TRDN: variants seen among roughly 807,000 people sequenced by gnomAD.
TRDN encodes triadin.
A neutral mutation model predicts 149.7 loss-of-function variants in TRDN; 161 were observed. The ratio of observed to expected loss-of-function variants is 1.08; its 90% CI spans 0.95 to 1.23. The LOEUF (loss-of-function observed/expected upper bound fraction) is 1.23. Among genes scored for constraint, TRDN ranks in the 50% most tolerant of loss-of-function variants. The probability of loss-of-function intolerance (pLI) is 0.00; values close to 1 mark genes in which losing one functional copy is unlikely to be tolerated. For missense variants in TRDN, 896 were observed against 823.5 expected (o/e 1.09, Z -1.08); for synonymous variants, 294 against 250.5 (o/e 1.17, Z -1.64).
intron 12 of TRDN, among the ~76,000 whole-genome samples, chr6:123,409,598 C>A (rs763774413): frequency 6.6e-6 from 1 of 152,062 alleles, no homozygotes; most frequent in Non-Finnish European, 1.5e-5. Flanking sequence ...TTATGTATTG[C>A]AGTTATTAAT....
rs1582788254 is a variant in TRDN at position 123,259,169 on chromosome 6, G to C, written c.1870+455C>G. ...TCTGCTCTGATCTTAGTTATTTCTT[G>C]TCTTCTGCTAGCTTTCGAATTTGTT... On this transcript the variant is annotated intron_variant, in intron 35 of 40. Coordinates refer to ENST00000334268, the MANE Select transcript of TRDN (RefSeq NM_006073.4). 2.0e-5 allele frequency among the ~76,000 whole-genome samples: 3 copies of C among 151,902 alleles called. 1 individual carries two copies. The highest frequency in any genetic ancestry group is 2.0e-4 in the Admixed American group (3 of 15,234).
intron 1 of TRDN, among the ~76,000 whole-genome samples, chr6:123,586,654 T>C (rs1046257246): frequency 2.6e-5 from 4 of 151,986 alleles, no homozygotes; most frequent in East Asian, 1.9e-4. Flanking sequence ...CAGAAGAAAA[T>C]AAGACACTTA....
intron 1 of TRDN, among the ~76,000 whole-genome samples, chr6:123,623,583 A>G (rs146671483): frequency 6.6e-6 from 1 of 152,220 alleles, no homozygotes; most frequent in African/African-American, 2.4e-5. Context: ...AGCTTGGTTC[A>G]CTGAACCCAA....
chr6:123,277,364 C>T (rs1777404930), intron 26 of TRDN, among the ~76,000 whole-genome samples: 1 of 151,990 alleles, frequency 6.6e-6, no homozygotes, highest in African/African-American at 2.4e-5. Flanking sequence ...AAATTTTGGG[C>T]CAGCCAGAGA....
At chr6:123,266,968 A>G (rs549624970) in intron 32 of TRDN, among the ~76,000 whole-genome samples, 81 of 148,614 alleles carry the variant, frequency 5.5e-4, no homozygotes, top group Non-Finnish European at 9.5e-4. Context: ...TTAGCTGGGC[A>G]TGGTGGCAGG....
chr6:123,563,246 A>G (rs1233923617), intron 2 of TRDN, among the ~76,000 whole-genome samples: 3 of 152,220 alleles, frequency 2.0e-5, no homozygotes, highest in Non-Finnish European at 2.9e-5. Flanking sequence ...CTAATCAACC[A>G]ATTCTTTACC....
At chr6:123,321,207 C>T (rs1278016122) in intron 23 of TRDN, among the ~76,000 whole-genome samples, 1 of 152,024 alleles carries the variant, frequency 6.6e-6, no homozygotes, top group Non-Finnish European at 1.5e-5. Context: ...TCCATTTTCA[C>T]GTTAATGCAA....
intron 5 of TRDN, among the ~76,000 whole-genome samples, chr6:123,526,724 T>G (rs35576598): frequency 0.44 from 66,764 of 151,758 alleles, 15,095 homozygotes; most frequent in Admixed American, 0.52. Flanking sequence ...GAAACACAAA[T>G]ATAGAACTGA....
chr6:123,541,052 T>C (rs751885916), intron 4 of TRDN, among the ~76,000 whole-genome samples: 1 of 152,222 alleles, frequency 6.6e-6, no homozygotes, highest in Non-Finnish European at 1.5e-5. Flanking sequence ...ACAGGAAACA[T>C]ACAGAACTGC....
rs550897081 is a variant in TRDN at position 123,620,470 on chromosome 6, A to G, written c.22+16284T>C. Among the ~76,000 whole-genome samples, 4 of 152,288 alleles carry G rather than the reference A, an allele frequency of 2.6e-5. No individual in the cohort carries two copies. The South Asian group carries it at 8.3e-4, about 32-fold the overall frequency. Reference sequence around the variant, plus strand: ...CCATATAGCTCACATGCATTCATACATTTTGACCCAAATCAAAAAACAGGA... The same window carrying G: ...CCATATAGCTCACATGCATTCATACGTTTTGACCCAAATCAAAAAACAGGA... On this transcript the variant is annotated intron_variant, in intron 1 of 40. Coordinates refer to ENST00000334268, the MANE Select transcript of TRDN (RefSeq NM_006073.4).
intron 12 of TRDN, among the ~76,000 whole-genome samples, chr6:123,405,742 C>A (rs1372700905): frequency 6.6e-6 from 1 of 152,066 alleles, no homozygotes; most frequent in Non-Finnish European, 1.5e-5. Context: ...ATTTAAAAAA[C>A]AAATAACTGC....
At chr6:123,331,833 C>T in intron 23 of TRDN, 46 bp downstream of exon 23, 1 of 1,314,514 alleles carries the variant, frequency 7.6e-7, no homozygotes, top group Non-Finnish European at 1.0e-6. Flanking sequence ...ACTGAATATG[C>T]AAAAGGCAGA....
At chr6:123,366,214 T>C in intron 19 of TRDN, 32 bp from the exon 20 acceptor site, 1 of 1,591,600 alleles carries the variant, frequency 6.3e-7, no homozygotes, top group Non-Finnish European at 8.6e-7. Context: ...GAATGAGAAG[T>C]GGATATTAGT....
chr6:123,362,360 A>G (rs1379096368), intron 20 of TRDN, among the ~76,000 whole-genome samples: 1 of 152,152 alleles, frequency 6.6e-6, no homozygotes, highest in Non-Finnish European at 1.5e-5. Flanking sequence ...TGTTATTTAT[A>G]TACTTACAAT....
chr6:123,258,596 C>CT (rs938626781), intron 35 of TRDN, among the ~76,000 whole-genome samples: 13 of 151,970 alleles, frequency 8.6e-5, no homozygotes, highest in African/African-American at 2.7e-4. Flanking sequence ...CTGAAATTTT[C>CT]TTTTTTTTGT....
intron 10 of TRDN, among the ~76,000 whole-genome samples, chr6:123,443,939 G>C (rs1302031544): frequency 6.6e-6 from 1 of 150,862 alleles, no homozygotes; most frequent in Non-Finnish European, 1.5e-5. Flanking sequence ...AGTATAGTTT[G>C]AAGTCAGGTA....
Position 123,561,821 on chromosome 6 carries a change from C to T in TRDN, c.232+9102G>A, listed in dbSNP as rs114595253. On this transcript the variant is annotated intron_variant, in intron 2 of 40. Coordinates refer to ENST00000334268, the MANE Select transcript of TRDN (RefSeq NM_006073.4). ...GTTCCCATGCCGCCCCAATCCCTCT[C>T]GAAGCAGCCCTGTGAAACATCGCTC... Among the ~76,000 whole-genome samples the T allele has an allele frequency of 9.8e-3, 1,496 of 152,192 alleles. 36 individuals are homozygous for T. The highest frequency in any genetic ancestry group is 0.034 in the African/African-American group (1,398 of 41,516).
At chr6:123,371,267 T>C (rs1181946484) in intron 19 of TRDN, among the ~76,000 whole-genome samples, 1 of 152,178 alleles carries the variant, frequency 6.6e-6, no homozygotes, top group African/African-American at 2.4e-5. Context: ...TATTTTTGTA[T>C]TGAATACCAG....
intron 20 of TRDN, among the ~76,000 whole-genome samples, chr6:123,357,552 A>G (rs2114322507): frequency 6.6e-6 from 1 of 152,254 alleles, no homozygotes. Flanking sequence ...TGTACGCTAT[A>G]AGAGGCTAGT....
Sources: gnomAD v4.1 joint callset for allele counts (sites outside exome capture counted in the v4.1 genomes callset) on GRCh38, gnomAD v4.1.1 for gene constraint, MANE v1.5 for transcripts, NCBI Gene and HGNC (gene_info 2026-07-23, HGNC 2026-07-21) for gene names.